CCDC9: variants seen among roughly 807,000 people sequenced by gnomAD.
CCDC9 encodes the protein coiled-coil domain-containing protein 9.
Under a neutral mutation model 65.6 loss-of-function variants are expected in CCDC9, and 52 were observed. That is an observed-to-expected ratio of 0.79 (90% CI 0.63 to 1.00). CCDC9 has a LOEUF of 1.00. Ranked by LOEUF, CCDC9 falls within the 50% of genes least tolerant of loss-of-function variation. CCDC9 has a pLI of 0.00. For synonymous variants in CCDC9, 332 were observed against 280.3 expected (o/e 1.18, Z -1.84); for missense variants, 834 against 757.2 (o/e 1.10, Z -1.19).
chr19:47,271,362 T>G lies in CCDC9; in HGVS notation c.1280T>G (p.Ile427Arg), dbSNP rs777922561. The stretch of plus-strand genomic sequence containing the variant: ...GAAGAGGATGAAGAATGGGAGGACA[T>G]AAGTGAGGATGAGGAAGAGGAGGAG... ...EGEEDEEWED[I>R]SEDEEEEEIE... is the part of the protein sequence containing the mutation. The change falls in exon 12 of 12, where the codon ATA becomes AGA. Residue 427 changes from isoleucine to arginine, a missense_variant. By Grantham distance (97) the Ile-to-Arg change is moderately conservative. Transcript: ENST00000221922. The G allele has an allele frequency of 4.3e-6, 7 of 1,612,828 alleles. No individual in the cohort carries two copies. The highest frequency in any genetic ancestry group is 2.2e-5 in the East Asian group (1 of 44,846).
chr19:47,275,219 C>G (rs779975297), downstream of CCDC9: 15 of 1,528,782 alleles, frequency 9.8e-6, no homozygotes, highest in South Asian at 1.8e-4. Context: ...TGGGAGTCCC[C>G]GGCGGGCCGC....
chr19:47,272,039 G>A, downstream of CCDC9: 3 of 1,238,006 alleles, frequency 2.4e-6, no homozygotes, highest in South Asian at 7.9e-5. Flanking sequence ...AGGCGGGAAA[G>A]GGGGCTTGAC....
At chr19:47,261,048 C>T (rs1396238429) in intron 5 of CCDC9, among the ~76,000 whole-genome samples, 1 of 152,000 alleles carries the variant, frequency 6.6e-6, no homozygotes, top group Non-Finnish European at 1.5e-5. Context: ...CCTTCCCTCT[C>T]ACGCCTAGAG....
intron 8 of CCDC9, among the ~76,000 whole-genome samples, chr19:47,269,325 A>G (rs1478050503): frequency 6.6e-6 from 1 of 151,750 alleles, no homozygotes; most frequent in Non-Finnish European, 1.5e-5. Flanking sequence ...AGAATTTTAG[A>G]CTTAGATAAT....
chr19:47,264,929 C>G lies in CCDC9; in HGVS notation c.703C>G (p.Leu235Val), dbSNP rs752063406. ...GPDFERVRCG[L>V]EHERQGRRAG... ...CGACTTCGAGCGGGTGCGCTGTGGC[C>G]TTGAGCACGAGCGGCAGGTGGGTGT... Residue 235 changes from leucine to valine, a missense_variant, in exon 7 of 12, where the codon CTT (leucine) becomes GTT (valine). By Grantham distance (32) the Leu-to-Val change is conservative. Coordinates refer to ENST00000221922, the MANE Select transcript of CCDC9 (RefSeq NM_015603.3). 11 of 1,453,310 alleles carry G rather than the reference C, an allele frequency of 7.6e-6. No individual in the cohort carries two copies. Among genetic ancestry groups the G allele is most frequent in the African/African-American group, 2.8e-5 (2 of 70,340 alleles). 90.0% of individuals were successfully genotyped at this position (1,453,310 alleles called of 1,614,324 possible). A position where few individuals can be genotyped will look rare whatever the true frequency, so the allele number is the denominator to read the frequency against.
chr19:47,271,259 C>T lies in CCDC9; in HGVS notation c.1192-15C>T. ...AGGACCTGTGCCTTGCCCTGACTTG[C>T]CTGTGTCCCCAAAGCCACCCGAGAT... is the stretch of plus-strand genomic sequence containing the variant. On this transcript the variant is annotated splice_polypyrimidine_tract_variant and intron_variant, in intron 11 of 11. Coordinates refer to ENST00000221922, the MANE Select transcript of CCDC9 (RefSeq NM_015603.3). 1 of 1,611,242 alleles carries T rather than the reference C, an allele frequency of 6.2e-7. No homozygotes were observed. The highest frequency in any genetic ancestry group is 2.2e-5 in the East Asian group (1 of 44,802).
chr19:47,264,792 A>G lies in CCDC9; in HGVS notation c.566A>G (p.Asn189Ser), dbSNP rs1286689010. ...RNQREGVLEP[N>S]PVRNFLDDPR... ...CTGCAGGAAGGGGTTCTTGAACCCA[A>G]CCCAGTGCGGAACTTCCTGGACGAC... The change falls in exon 7 of 12, where the codon AAC (asparagine) becomes AGC (serine). Residue 189 changes from asparagine (N) to serine (S), a missense_variant. Coordinates refer to ENST00000221922, the MANE Select transcript of CCDC9 (RefSeq NM_015603.3). The G allele has an allele frequency of 1.3e-6, 2 of 1,596,422 alleles. No individual in the cohort carries two copies. The highest frequency in any genetic ancestry group is 1.7e-6 in the Non-Finnish European group (2 of 1,169,748).
chr19:47,259,056 G>A (rs1022379963), intron 3 of CCDC9, among the ~76,000 whole-genome samples: 2 of 152,240 alleles, frequency 1.3e-5, no homozygotes, highest in African/African-American at 2.4e-5. Flanking sequence ...CCAGCCTTGG[G>A]GATATCAGGG....
chr19:47,274,811 G>GGCCGGA, downstream of CCDC9: 2 of 780,624 alleles, frequency 2.6e-6, no homozygotes, highest in Non-Finnish European at 3.3e-6. Flanking sequence ...GCGGGGGCGG[G>GGCCGGA]GCCGGAGGCG....
intron 5 of CCDC9, among the ~76,000 whole-genome samples, 153 bp downstream of exon 5, chr19:47,260,992 A>T (rs762413338): frequency 1.4e-5 from 2 of 145,326 alleles, no homozygotes; most frequent in Non-Finnish European, 3.0e-5. Flanking sequence ...CTCTTCCTCC[A>T]CCTCCTTCTC....
chr19:47,265,056 G>T (rs1402442197), intron 7 of CCDC9, 110 bp downstream of exon 7: 1 of 966,164 alleles, frequency 1.0e-6, no homozygotes, highest in Non-Finnish European at 1.4e-6. Context: ...TTGTGCCACA[G>T]CACAGGACTT....
At chr19:47,272,099 A>T, downstream of CCDC9, 15 of 1,235,954 alleles carry the variant, frequency 1.2e-5, no homozygotes, top group Non-Finnish European at 1.4e-5. Context: ...GCCTTCCCGG[A>T]GAGTGGGCCC....
At chr19:47,258,163 C>T (rs2059022931) in intron 1 of CCDC9, 167 bp from the exon 2 acceptor site, 1 of 589,380 alleles carries the variant, frequency 1.7e-6, no homozygotes, top group Non-Finnish European at 3.0e-6. Context: ...GTCTGAATTT[C>T]TATGGAGAAG....
intron 7 of CCDC9, 118 bp downstream of exon 7, chr19:47,265,064 CTT>C: frequency 9.3e-5 from 64 of 690,670 alleles, no homozygotes; most frequent in East Asian, 3.3e-4. Context: ...CAGCACAGGA[CTT>C]TTTTTTTTTG....
rs903474627 is a variant in CCDC9, at chr19:47,271,877, G to A, written c.*199G>A. On this transcript the variant is annotated 3_prime_UTR_variant, in exon 12 of 12. Transcript: ENST00000221922. ...CATGCTCTTCTGTACTGTCATGCCC[G>A]TCTCTGGAATGTCCACTCCCAGAGC... The A allele has an allele frequency of 4.8e-5, 65 of 1,345,790 alleles. No individual in the cohort carries two copies. The highest frequency in any genetic ancestry group is 8.8e-5 in the African/African-American group (6 of 67,990). The allele number at this position is 1,345,790 out of a possible 1,614,324, so 83.4% of individuals were successfully genotyped here. A position where few individuals can be genotyped will look rare whatever the true frequency, so the allele number is the denominator to read the frequency against.
intron 8 of CCDC9, among the ~76,000 whole-genome samples, chr19:47,267,501 C>T (rs1443169980): frequency 6.6e-6 from 1 of 152,204 alleles, no homozygotes; most frequent in Non-Finnish European, 1.5e-5. Flanking sequence ...CTGGGCTTGG[C>T]TTCTTGCAGC....
rs1442883244 is a variant in CCDC9, at chr19:47,260,682, G to A, written c.305G>A (p.Arg102Gln). The A allele has an allele frequency of 1.4e-5, 22 of 1,543,574 alleles. No individual in the cohort carries two copies. Among genetic ancestry groups the A allele is most frequent in the African/African-American group, 2.8e-5 (2 of 72,570 alleles). ...CGGACTCCTCCACAGCAGGGAGGCC[G>A]GGCCGGCATGGGCCGAGCATCGCGC... ...GGRTPPQQGG[R>Q]AGMGRASRSW... The change falls in exon 5 of 12, where the codon CGG becomes CAG. Residue 102 changes from arginine to glutamine, a missense_variant. Transcript: ENST00000221922.
rs753108097 is a variant in CCDC9, at chr19:47,270,624, G to C, written c.1021G>C (p.Ala341Pro). 4 of 1,613,048 alleles carry C rather than the reference G, an allele frequency of 2.5e-6. No individual in the cohort carries two copies. Among genetic ancestry groups the C allele is most frequent in the Non-Finnish European group, 3.4e-6 (4 of 1,179,986 alleles). The change falls in exon 10 of 12, where the codon GCC becomes CCC. Residue 341 changes from alanine to proline, a missense_variant. Transcript: ENST00000221922. Reference sequence around the variant, plus strand: ...GTTCCTGTCCCAGCACAAAGCTGAGGCCAGCAGCCGCAGAAGGAGAAAGAG... The same window carrying C: ...GTTCCTGTCCCAGCACAAAGCTGAGCCCAGCAGCCGCAGAAGGAGAAAGAG... ...GEFLSQHKAEASSRRRRKSSR... is the reference protein window; with the variant it reads ...GEFLSQHKAEPSSRRRRKSSR...
rs1211767780 is a variant in CCDC9 at position 47,266,623 on chromosome 19, G to T, written c.733G>T (p.Gly245Cys). Reference protein sequence around the residue: ...LEHERQGRRAGLGSAGDMTLS... With the variant: ...LEHERQGRRACLGSAGDMTLS... ...GGCTGGGGGGCAGGGCCGCCGAGCT[G>T]GCCTGGGCAGTGCTGGAGACATGAC... The change falls in exon 8 of 12, where the codon GGC (glycine) becomes TGC (cysteine). Residue 245 changes from glycine (G) to cysteine (C), a missense_variant. Physicochemically the swap from Gly to Cys is radical, Grantham distance 159 (BLOSUM62 -3). Transcript: ENST00000221922. The T allele has an allele frequency of 6.4e-7, 1 of 1,559,478 alleles. No individual in the cohort carries two copies. Among genetic ancestry groups the T allele is most frequent in the East Asian group, 2.4e-5 (1 of 42,362 alleles).
Sources: gnomAD v4.1 joint callset for allele counts (sites outside exome capture counted in the v4.1 genomes callset) on GRCh38, gnomAD v4.1.1 for gene constraint, MANE v1.5 for transcripts, NCBI Gene and HGNC (gene_info 2026-07-23, HGNC 2026-07-21) for gene names.